HADH: variants seen among roughly 807,000 people sequenced by gnomAD.
The protein encoded by HADH is hydroxyacyl-CoA dehydrogenase, also known as hydroxyacyl-coenzyme A dehydrogenase, mitochondrial.
In HADH, 24 loss-of-function variants were observed where a neutral mutation model predicts 32.2. The ratio of observed to expected loss-of-function variants is 0.75; its 90% confidence interval spans 0.54 to 1.05. The LOEUF (loss-of-function observed/expected upper bound fraction) is 1.05. HADH is among the 50% of genes least tolerant of loss of function. HADH has a pLI of 0.00. For missense variants in HADH, 350 were observed against 397.1 expected (o/e 0.88, Z 1.01); for synonymous variants, 139 against 152.5 (o/e 0.91, Z 0.65).
rs542521896 is a variant in HADH, at chr4:108,003,377, A to C, written c.133-6382A>C. On this transcript the variant is annotated intron_variant, in intron 1 of 7. Coordinates refer to ENST00000309522, the MANE Select transcript of HADH (RefSeq NM_005327.7). ...TCCCATTCATGAGGGAGGAGCCCTC[A>C]TGGCCTAATCTCCTCTTAAAGGCCG... Among the ~76,000 whole-genome samples the C allele has an allele frequency of 2.0e-5, 3 of 152,276 alleles. No individual in the cohort carries two copies. The East Asian group carries it at 5.8e-4, about 29-fold the overall frequency.
intron 3 of HADH, among the ~76,000 whole-genome samples, chr4:108,019,133 G>A (rs1735796236): frequency 6.6e-6 from 1 of 152,066 alleles, no homozygotes; most frequent in African/African-American, 2.4e-5. Context: ...GCTTTTAGGT[G>A]TCTTTCTTTC....
chr4:108,027,399 C>A, intron 5 of HADH: 1 of 490,546 alleles, frequency 2.0e-6, no homozygotes, highest in East Asian at 3.9e-5. Context: ...CCAAATCTGT[C>A]TCTCCCAAAG....
At chr4:108,016,237 T>A (rs1360413363) in intron 3 of HADH, among the ~76,000 whole-genome samples, 1 of 152,166 alleles carries the variant, frequency 6.6e-6, no homozygotes, top group Non-Finnish European at 1.5e-5. Flanking sequence ...TGGAATTGAA[T>A]GGCAGAATAA....
intron 1 of HADH, among the ~76,000 whole-genome samples, chr4:108,006,154 C>T (rs1282750690): frequency 1.3e-5 from 2 of 152,206 alleles, no homozygotes; most frequent in Non-Finnish European, 2.9e-5. Context: ...GGCAGGAGGC[C>T]TGGTGGGGCT....
intron 6 of HADH, chr4:108,032,331 C>T (rs201019894): frequency 1.9e-6 from 3 of 1,597,242 alleles, no homozygotes; most frequent in South Asian, 2.2e-5. Flanking sequence ...CAACAGACTT[C>T]CAAACGTGTG....
In HADH at chr4:107,993,687, C is replaced by T. The variant is rs1377688247; in HGVS notation, c.132+3623C>T. Among the ~76,000 whole-genome samples, 5 of 151,954 alleles carry T rather than the reference C, an allele frequency of 3.3e-5. No individual in the cohort carries two copies. In the South Asian group the frequency reaches 6.2e-4, roughly 19 times the overall value. ...AGGCCATTTGTACATGTGTATTTTC[C>T]GAGAGTATCTACTTTGCCTGTCATT... On this transcript the variant is annotated intron_variant, in intron 1 of 7. Coordinates refer to ENST00000309522, the MANE Select transcript of HADH (RefSeq NM_005327.7).
chr4:108,032,678 G>A, intron 6 of HADH: 2 of 345,922 alleles, frequency 5.8e-6, no homozygotes, highest in Non-Finnish European at 5.4e-6. Context: ...TCACCTCAGT[G>A]GTGCGTAGCT....
rs75705890 is a variant in HADH, at chr4:108,027,225, G to A, written c.637-463G>A. ...GTCGATTCTTGAAAGGGAATTGGGA[G>A]GAAAGAGGAGGAATAAAGGGATGGG... is the stretch of plus-strand genomic sequence containing the variant. On this transcript the variant is annotated intron_variant, in intron 5 of 7. Coordinates refer to ENST00000309522, the MANE Select transcript of HADH (RefSeq NM_005327.7). The A allele has an allele frequency of 4.7e-5, 10 of 212,760 alleles. No individual in the cohort carries two copies. In the East Asian group the frequency reaches 1.1e-3, roughly 24 times the overall value. The allele number at this position is 212,760 out of a possible 1,614,324, so 13.2% of individuals were successfully genotyped here. A position where few individuals can be genotyped will look rare whatever the true frequency, so the allele number is the denominator to read the frequency against.
intron 2 of HADH, among the ~76,000 whole-genome samples, chr4:108,013,948 A>G (rs926796693): frequency 6.6e-6 from 1 of 152,084 alleles, no homozygotes; most frequent in Non-Finnish European, 1.5e-5. Context: ...CCTGTGGACA[A>G]ATTACACTAT....
chr4:107,995,117 A>G (rs1276411732), intron 1 of HADH, among the ~76,000 whole-genome samples: 1 of 152,066 alleles, frequency 6.6e-6, no homozygotes, highest in Non-Finnish European at 1.5e-5. Flanking sequence ...CCACAGGAAG[A>G]TAATGTGGAT....
intron 3 of HADH, among the ~76,000 whole-genome samples, chr4:108,016,799 A>G (rs1735709305): frequency 6.6e-6 from 1 of 152,116 alleles, no homozygotes; most frequent in African/African-American, 2.4e-5. Flanking sequence ...AATTTCCTAG[A>G]CCTTTCTGGC....
At chr4:108,003,019 A>G (rs1735167359) in intron 1 of HADH, among the ~76,000 whole-genome samples, 1 of 150,914 alleles carries the variant, frequency 6.6e-6, no homozygotes, top group African/African-American at 2.4e-5. Context: ...ACTAACCTTT[A>G]TGACAGATCA....
intron 6 of HADH, chr4:108,030,394 G>C (rs1462735275): frequency 1.3e-5 from 2 of 152,592 alleles, no homozygotes; most frequent in Non-Finnish European, 2.9e-5. Context: ...CTCTTTTCTG[G>C]GGCACTCTGG....
intron 1 of HADH, among the ~76,000 whole-genome samples, chr4:108,000,857 C>T (rs1473312545): frequency 6.6e-6 from 1 of 152,154 alleles, no homozygotes; most frequent in Non-Finnish European, 1.5e-5. Context: ...GGGTTACTAC[C>T]GTCCAAAGCA....
Position 108,034,284 on chromosome 4 carries a change from C to T in HADH, c.872C>T (p.Pro291Leu), listed in dbSNP as rs1736381030. The stretch of plus-strand genomic sequence containing the variant: ...GAGAACCCATTACATCAGCCCAGCC[C>T]ATCCTTAAATAAGCTGGTAGCAGAG... The part of the protein sequence containing the change: ...DAENPLHQPS[P>L]SLNKLVAENK... The change falls in exon 8 of 8, where the codon CCA (proline) becomes CTA (leucine). Residue 291 changes from proline (P) to leucine (L), a missense_variant. Pro to Leu is a moderately conservative substitution (Grantham distance 98). Coordinates refer to ENST00000309522, the MANE Select transcript of HADH (RefSeq NM_005327.7). 2 of 1,613,556 alleles carry T rather than the reference C, an allele frequency of 1.2e-6. No homozygotes were observed. The highest frequency in any genetic ancestry group is 1.7e-6 in the Non-Finnish European group (2 of 1,179,582).
At chr4:108,004,794 A>G (rs1258052977) in intron 1 of HADH, 1 of 1,535,934 alleles carries the variant, frequency 6.5e-7, no homozygotes, top group Non-Finnish European at 8.7e-7. Flanking sequence ...CAGCCTTAGG[A>G]GTTACTACAC....
At chr4:107,996,893 CA>C (rs371481879) in intron 1 of HADH, among the ~76,000 whole-genome samples, 13,200 of 109,610 alleles carry the variant, frequency 0.12, 730 homozygotes, top group African/African-American at 0.2. Flanking sequence ...GACTCCTTCT[CA>C]AAAAAAAAAA....
At chr4:108,005,075 A>C (rs1735252315) in intron 1 of HADH, among the ~76,000 whole-genome samples, 1 of 152,094 alleles carries the variant, frequency 6.6e-6, no homozygotes, top group African/African-American at 2.4e-5. Context: ...TCTGTATTGG[A>C]AACTCCTAAT....
At chr4:107,999,318 A>G (rs1451695487) in intron 1 of HADH, among the ~76,000 whole-genome samples, 1 of 152,246 alleles carries the variant, frequency 6.6e-6, no homozygotes, top group Non-Finnish European at 1.5e-5. Context: ...TTGATCTTGC[A>G]TTGGGCAACG....
Sources: allele counts gnomAD v4.1 joint callset (sites outside exome capture counted in the v4.1 genomes callset), GRCh38; gene constraint gnomAD v4.1.1; transcripts MANE v1.5; gene names NCBI Gene and HGNC (gene_info 2026-07-23, HGNC 2026-07-21).